ZFHX3: variants seen among roughly 807,000 people sequenced by gnomAD.
ZFHX3 encodes zinc finger homeobox protein 3.
ZFHX3 carries 42 observed loss-of-function variants against 279.1 expected under a neutral mutation model. The observed-to-expected ratio is 0.15, with a 90% confidence interval of 0.12 to 0.19. The LOEUF (loss-of-function observed/expected upper bound fraction) is 0.19, where lower values mean the gene tolerates loss of function less well. ZFHX3 is among the 10% of genes least tolerant of loss of function. ZFHX3 has a pLI of 1.00. For missense variants in ZFHX3, 4,981 were observed against 4,754.0 expected (o/e 1.05, Z -1.40); for synonymous variants, 2,293 against 1,957.8 (o/e 1.17, Z -4.52).
In ZFHX3 at chr16:73,383,038, T is replaced by C. The variant is rs148463534; in HGVS notation, c.-1290-64702A>G. ...CTGAGAAGGAAGGGGGATCCTAAACTAACACAGGAGATGACAGAGCACATG... is the reference window on the plus strand; with the variant it reads ...CTGAGAAGGAAGGGGGATCCTAAACCAACACAGGAGATGACAGAGCACATG... On this transcript the variant is annotated intron_variant, in intron 3 of 17. Transcript: ENST00000641206. Among the ~76,000 whole-genome samples the C allele has an allele frequency of 2.0e-5, 3 of 152,154 alleles. No homozygotes were observed. The East Asian group carries it at 5.8e-4, about 29-fold the overall frequency.
At chr16:73,839,706 G>A (rs994672790) in intron 1 of ZFHX3, among the ~76,000 whole-genome samples, 8 of 152,190 alleles carry the variant, frequency 5.3e-5, no homozygotes, top group African/African-American at 1.9e-4. Flanking sequence ...GGTACCCAAA[G>A]CACTGAAATG....
chr16:73,856,337 C>T lies in ZFHX3; in HGVS notation c.-1608+35314G>A, dbSNP rs954148348. Among the ~76,000 whole-genome samples the T allele has an allele frequency of 2.6e-5, 4 of 152,084 alleles. No individual in the cohort carries two copies. In the East Asian group the frequency reaches 5.8e-4, roughly 22 times the overall value. On this transcript the variant is annotated intron_variant, in intron 1 of 17. Transcript: ENST00000641206. ...AAGAAACAATAAAAATTTTAAATTG[C>T]CTCATTTCTGAAAAACAAGGTTGGA...
At chr16:72,822,431 G>A (rs1167412652) in intron 5 of ZFHX3, among the ~76,000 whole-genome samples, 1 of 152,186 alleles carries the variant, frequency 6.6e-6, no homozygotes, top group Non-Finnish European at 1.5e-5. Context: ...AATCTGTGAG[G>A]CTTAGTTCTC....
At chr16:73,459,807 A>G (rs1290325041) in intron 2 of ZFHX3, among the ~76,000 whole-genome samples, 1 of 152,092 alleles carries the variant, frequency 6.6e-6, no homozygotes, top group Non-Finnish European at 1.5e-5. Context: ...GCTAAGGGGA[A>G]AGAGCCCCTT....
Position 72,839,064 on chromosome 16 carries a change from G to A in ZFHX3, c.3449-9205C>T, listed in dbSNP as rs1361785009. On this transcript the variant is annotated intron_variant, in intron 4 of 9. Coordinates refer to ENST00000268489, the MANE Select transcript of ZFHX3 (RefSeq NM_006885.4). The stretch of plus-strand genomic sequence containing the variant: ...GGATTAGTTCCCTTGGATTTCTACA[G>A]AGCCATGATTGTTGCTGTTACTTTC... 4.6e-5 allele frequency among the ~76,000 whole-genome samples: 7 copies of A among 152,158 alleles called. No individual in the cohort carries two copies. In the East Asian group the frequency reaches 1.3e-3, roughly 29 times the overall value.
intron 1 of ZFHX3, among the ~76,000 whole-genome samples, chr16:72,985,977 C>A (rs369498137): frequency 2.0e-4 from 30 of 152,284 alleles, no homozygotes; most frequent in African/African-American, 6.0e-4. Context: ...ATGCTCCCAG[C>A]GCTTCCTAAA....
rs191737274 is a variant in ZFHX3 at position 73,345,032 on chromosome 16, T to C, written c.-1290-26696A>G. On this transcript the variant is annotated intron_variant, in intron 3 of 17. Coordinates refer to the ZFHX3 transcript ENST00000641206. ...AACTTGCCCTGTATCCCTTGTCCTG[T>C]TCATGGAACTTCTCAGCCTTACTCA... Among the ~76,000 whole-genome samples, 321 of 152,190 alleles carry C rather than the reference T, an allele frequency of 2.1e-3. 2 individuals carry two copies. The highest frequency in any genetic ancestry group is 7.1e-3 in the African/African-American group (293 of 41,542).
intron 1 of ZFHX3, among the ~76,000 whole-genome samples, chr16:73,031,807 C>A (rs1158986136): frequency 6.6e-6 from 1 of 152,032 alleles, no homozygotes; most frequent in Non-Finnish European, 1.5e-5. Context: ...CCCACTGTGA[C>A]CCTTGCTAGA....
intron 1 of ZFHX3, among the ~76,000 whole-genome samples, chr16:72,991,337 C>G (rs1457599243): frequency 6.6e-6 from 1 of 152,210 alleles, no homozygotes; most frequent in Non-Finnish European, 1.5e-5. Context: ...ACTATCCTCC[C>G]TCTCAGACAT....
At chr16:73,796,314 C>T (rs1243708778) in intron 1 of ZFHX3, 4 of 152,158 alleles carry the variant, frequency 2.6e-5, no homozygotes, top group African/African-American at 9.7e-5. Flanking sequence ...GTCAACAAAA[C>T]TCTAGATGCC....
chr16:72,990,942 T>C (rs141380171), intron 1 of ZFHX3, among the ~76,000 whole-genome samples: 1 of 151,098 alleles, frequency 6.6e-6, no homozygotes, highest in Non-Finnish European at 1.5e-5. Context: ...ATCGCGTCAC[T>C]GCACTCCAGC....
intron 8 of ZFHX3, among the ~76,000 whole-genome samples, chr16:73,066,561 G>T (rs1052582455): frequency 3.3e-5 from 5 of 152,108 alleles, no homozygotes; most frequent in Non-Finnish European, 7.4e-5. Context: ...ACAGGTGCAC[G>T]TAGGGCATGG....
chr16:73,252,797 T>C (rs185795963), intron 5 of ZFHX3, among the ~76,000 whole-genome samples: 2 of 152,210 alleles, frequency 1.3e-5, no homozygotes, highest in East Asian at 1.9e-4. Context: ...AAGGAGCCAA[T>C]GTTCATAGAC....
intron 3 of ZFHX3, among the ~76,000 whole-genome samples, chr16:73,381,864 C>T (rs936592042): frequency 3.8e-4 from 58 of 152,284 alleles, no homozygotes; most frequent in African/African-American, 1.3e-3. Context: ...AAAGCCATCC[C>T]GGGCTGCATG....
chr16:72,867,420 C>T (rs2038049228), intron 4 of ZFHX3, among the ~76,000 whole-genome samples: 1 of 152,222 alleles, frequency 6.6e-6, no homozygotes, highest in Non-Finnish European at 1.5e-5. Context: ...TAAGTGTGTC[C>T]CCTTCTATCT....
rs564760311 is a variant in ZFHX3, at chr16:73,547,320, A to G, written c.-1546-91062T>C. 3.1e-3 allele frequency among the ~76,000 whole-genome samples: 467 copies of G among 152,320 alleles called. 2 individuals carry two copies. Among genetic ancestry groups the G allele is most frequent in the African/African-American group, 0.011 (447 of 41,568 alleles). On this transcript the variant is annotated intron_variant, in intron 2 of 17. Coordinates refer to the ZFHX3 transcript ENST00000641206. ...GGAAAGGAAGAAAGAAAGAAAGAAA[A>G]AAACCTGTACTATCAAAGCTAATAA...
At chr16:73,002,783 G>C (rs1469748511) in intron 1 of ZFHX3, among the ~76,000 whole-genome samples, 2 of 152,074 alleles carry the variant, frequency 1.3e-5, no homozygotes, top group African/African-American at 2.4e-5. Context: ...TCTCCAAAAA[G>C]CCTCCAAACA....
At chr16:73,562,513 G>A (rs1420245191) in intron 2 of ZFHX3, among the ~76,000 whole-genome samples, 2 of 150,532 alleles carry the variant, frequency 1.3e-5, no homozygotes, top group Admixed American at 6.7e-5. Context: ...GGAGAATGGC[G>A]TGAACCTGGG....
intron 2 of ZFHX3, among the ~76,000 whole-genome samples, chr16:73,634,435 TATATA>T (rs1567538499): frequency 0.031 from 3,984 of 130,496 alleles, 96 homozygotes; most frequent in South Asian, 0.056. Flanking sequence ...TTATGTATAA[TATATA>T]TATATATATA....
Sources: allele counts gnomAD v4.1 joint callset (sites outside exome capture counted in the v4.1 genomes callset), GRCh38; gene constraint gnomAD v4.1.1; transcripts MANE v1.5; gene names NCBI Gene and HGNC (gene_info 2026-07-23, HGNC 2026-07-21).